The following PLCG2 variants were observed in gnomAD, a reference collection of about 807,000 sequenced individuals.
PLCG2 encodes the protein 1-phosphatidylinositol 4,5-bisphosphate phosphodiesterase gamma-2.
In PLCG2, 69 loss-of-function variants were observed where a neutral mutation model predicts 175.6. The ratio of observed to expected loss-of-function variants is 0.39; its 90% CI spans 0.32 to 0.48. PLCG2 has a LOEUF of 0.48. PLCG2 is among the 20% of genes least tolerant of loss of function. The pLI is 0.91. For synonymous variants in PLCG2, 827 were observed against 624.0 expected (o/e 1.33, Z -4.85); for missense variants, 1,798 against 1,650.9 (o/e 1.09, Z -1.54).
chr16:81,948,720 T>C (rs985802420), intron 31 of PLCG2, among the ~76,000 whole-genome samples: 1 of 152,204 alleles, frequency 6.6e-6, no homozygotes. Context: ...GCCCTCCTTA[T>C]GCCTCATCAG....
intron 2 of PLCG2, among the ~76,000 whole-genome samples, chr16:81,847,906 G>A (rs540177956): frequency 2.4e-4 from 37 of 152,310 alleles, no homozygotes; most frequent in African/African-American, 8.2e-4. Flanking sequence ...TCCTGGAACC[G>A]ATCCCCAACA....
intron 5 of PLCG2, 161 bp downstream of exon 5, chr16:81,859,324 C>G: frequency 3.5e-6 from 2 of 570,460 alleles, no homozygotes; most frequent in Non-Finnish European, 6.4e-6. Flanking sequence ...TTGAGGATGA[C>G]AAAATCCTCC....
At chr16:81,755,070 G>A (rs955381842) in intron 1 of PLCG2, among the ~76,000 whole-genome samples, 1 of 152,102 alleles carries the variant, frequency 6.6e-6, no homozygotes, top group Non-Finnish European at 1.5e-5. Flanking sequence ...CTGCTATTGT[G>A]GTAGGCATCA....
intron 2 of PLCG2, among the ~76,000 whole-genome samples, chr16:81,805,035 C>G (rs1028797490): frequency 2.6e-5 from 4 of 152,124 alleles, no homozygotes; most frequent in Admixed American, 6.6e-5. Flanking sequence ...GTGATTTGCC[C>G]AAGGTTACCA....
At chr16:81,864,944 T>C (rs1907156961) in intron 5 of PLCG2, among the ~76,000 whole-genome samples, 1 of 152,018 alleles carries the variant, frequency 6.6e-6, no homozygotes, top group Non-Finnish European at 1.5e-5. Context: ...GGGATTCCCT[T>C]GTTTCCTAAC....
intron 2 of PLCG2, among the ~76,000 whole-genome samples, chr16:81,796,311 T>C (rs1911467255): frequency 6.6e-6 from 1 of 152,242 alleles, no homozygotes; most frequent in African/African-American, 2.4e-5. Flanking sequence ...CAGTGACAGC[T>C]TTGGTTTTGC....
At chr16:81,911,330 T>C (rs2143659585) in intron 18 of PLCG2, among the ~76,000 whole-genome samples, 1 of 152,206 alleles carries the variant, frequency 6.6e-6, no homozygotes, top group Non-Finnish European at 1.5e-5. Context: ...ACCCAAAACC[T>C]TGTGAAACTC....
At chr16:81,776,150 C>G (rs1189436915), upstream of PLCG2, among the ~76,000 whole-genome samples, 1 of 76,286 alleles carries the variant, frequency 1.3e-5, no homozygotes, top group Non-Finnish European at 2.8e-5. Flanking sequence ...ACTCTGTTGC[C>G]CAGGCTAGAG....
chr16:81,799,573 A>G (rs949748692), intron 2 of PLCG2, among the ~76,000 whole-genome samples: 2 of 150,748 alleles, frequency 1.3e-5, no homozygotes, highest in African/African-American at 4.9e-5. Context: ...TACAGGTGCA[A>G]GCCACTGAGC....
At chr16:81,865,881 C>G (rs1245552090) in intron 5 of PLCG2, among the ~76,000 whole-genome samples, 7 of 133,520 alleles carry the variant, frequency 5.2e-5, no homozygotes, top group Non-Finnish European at 9.7e-5. Flanking sequence ...CATGAGAGGA[C>G]GCTGGCCTCT....
At chr16:81,918,087 T>C (rs1333361166) in intron 19 of PLCG2, among the ~76,000 whole-genome samples, 1 of 152,216 alleles carries the variant, frequency 6.6e-6, no homozygotes, top group Non-Finnish European at 1.5e-5. Flanking sequence ...TCCTTATATA[T>C]TTTGGATATT....
At chr16:81,800,422 G>A (rs1021212982) in intron 2 of PLCG2, among the ~76,000 whole-genome samples, 2 of 152,074 alleles carry the variant, frequency 1.3e-5, no homozygotes, top group African/African-American at 2.4e-5. Flanking sequence ...GTGTCCATGT[G>A]TTCTCATTGA....
chr16:81,788,063 A>C (rs60350318), intron 2 of PLCG2, among the ~76,000 whole-genome samples: 1 of 151,914 alleles, frequency 6.6e-6, no homozygotes, highest in African/African-American at 2.4e-5. Context: ...GTCTGTTTTT[A>C]TTTGTTTTGG....
rs557083326 is a variant in PLCG2 at position 81,812,804 on chromosome 16, T to G, written c.193+26622T>G. On this transcript the variant is annotated intron_variant, in intron 2 of 32. Coordinates refer to ENST00000564138, the MANE Select transcript of PLCG2 (RefSeq NM_002661.5). Reference sequence around the variant, plus strand: ...TTTTTTTCTAGGGTTTTTTATGGTTTTAGGTCTTATGTTTAAGTCTTTTAT... The same window carrying G: ...TTTTTTTCTAGGGTTTTTTATGGTTGTAGGTCTTATGTTTAAGTCTTTTAT... Among the ~76,000 whole-genome samples the G allele has an allele frequency of 7.9e-5, 12 of 152,350 alleles. No homozygotes were observed. In the South Asian group the frequency reaches 1.9e-3, roughly 24 times the overall value.
intron 2 of PLCG2, among the ~76,000 whole-genome samples, chr16:81,835,793 TA>T (rs1291834657): frequency 6.6e-6 from 1 of 152,164 alleles, no homozygotes; most frequent in African/African-American, 2.4e-5. Flanking sequence ...CTGGAGGCTC[TA>T]GGGGAGGATC....
chr16:81,822,355 G>A (rs1904837104), intron 2 of PLCG2, among the ~76,000 whole-genome samples: 1 of 152,202 alleles, frequency 6.6e-6, no homozygotes, highest in Non-Finnish European at 1.5e-5. Context: ...GGTATGTCAT[G>A]TTACTTGGTA....
chr16:81,910,337 C>T (rs1311548567), intron 17 of PLCG2, among the ~76,000 whole-genome samples, 183 bp from the exon 18 acceptor site: 3 of 152,156 alleles, frequency 2.0e-5, no homozygotes, highest in East Asian at 3.9e-4. Flanking sequence ...GTGATCCACC[C>T]GTCTCGGCCT....
chr16:81,844,293 A>G (rs1038329672), intron 2 of PLCG2, among the ~76,000 whole-genome samples: 5 of 138,664 alleles, frequency 3.6e-5, no homozygotes, highest in African/African-American at 1.4e-4. Flanking sequence ...GCGCCCGGGC[A>G]CCTTTTCATT....
intron 9 of PLCG2, 112 bp downstream of exon 9, chr16:81,883,453 C>T (rs1908193851): frequency 2.7e-6 from 2 of 754,408 alleles, no homozygotes; most frequent in Non-Finnish European, 4.6e-6. Context: ...CACCTGGCCA[C>T]CTGTGCTCAC....
Sources: gnomAD v4.1 joint callset for allele counts (sites outside exome capture counted in the v4.1 genomes callset) on GRCh38, gnomAD v4.1.1 for gene constraint, MANE v1.5 for transcripts, NCBI Gene and HGNC (gene_info 2026-07-23, HGNC 2026-07-21) for gene names.